Variants in SENP7 observed in about 807,000 individuals in gnomAD.
The protein encoded by SENP7 is SUMO specific peptidase 7, also known as sentrin-specific protease 7.
A neutral mutation model predicts 141.2 loss-of-function variants in SENP7; 64 were observed. The ratio of observed to expected loss-of-function variants is 0.45; its 90% CI spans 0.37 to 0.56. The LOEUF is 0.56. Among genes scored for constraint, SENP7 ranks in the 20% least tolerant of loss-of-function variants. The pLI, the probability that SENP7 is intolerant of heterozygous loss-of-function variation, is 0.00. For missense variants in SENP7, 1,025 were observed against 1,212.2 expected (o/e 0.85, Z 2.29); for synonymous variants, 382 against 426.4 (o/e 0.90, Z 1.28).
At chr3:101,511,763 T>C (rs2065866895) in intron 1 of SENP7, among the ~76,000 whole-genome samples, 1 of 152,238 alleles carries the variant, frequency 6.6e-6, no homozygotes, top group African/African-American at 2.4e-5. Context: ...CAGTTTGAGA[T>C]GCACTGCCAC....
chr3:101,430,920 G>A (rs997512424), intron 4 of SENP7, among the ~76,000 whole-genome samples: 9 of 152,098 alleles, frequency 5.9e-5, no homozygotes, highest in South Asian at 2.1e-4. Context: ...CTTTATTTCT[G>A]CCTTCATTTC....
chr3:101,407,784 G>A (rs2061346059), intron 5 of SENP7, among the ~76,000 whole-genome samples: 1 of 152,100 alleles, frequency 6.6e-6, no homozygotes, highest in Admixed American at 6.6e-5. Context: ...ACACAGCAAA[G>A]GCGATGCTAA....
At chr3:101,421,580 T>C (rs764406398) in intron 4 of SENP7, among the ~76,000 whole-genome samples, 19 of 152,350 alleles carry the variant, frequency 1.2e-4, no homozygotes, top group African/African-American at 4.6e-4. Flanking sequence ...TAAGAATTTA[T>C]ATTGGAAAAT....
intron 3 of SENP7, among the ~76,000 whole-genome samples, 181 bp downstream of exon 3, chr3:101,493,692 C>T (rs1159959827): frequency 3.3e-5 from 5 of 151,950 alleles, no homozygotes; most frequent in East Asian, 1.9e-4. Context: ...TAGTTTTAAA[C>T]GAAGAGCCTA....
chr3:101,487,285 A>T (rs952343894), intron 3 of SENP7, among the ~76,000 whole-genome samples: 1 of 152,186 alleles, frequency 6.6e-6, no homozygotes, highest in Non-Finnish European at 1.5e-5. Flanking sequence ...ATTTACATAT[A>T]TATATGTAAA....
intron 4 of SENP7, among the ~76,000 whole-genome samples, chr3:101,419,811 T>C (rs533149274): frequency 7.1e-4 from 108 of 152,362 alleles, no homozygotes; most frequent in African/African-American, 2.3e-3. Flanking sequence ...ACATGTACTA[T>C]ATACCAGGCA....
At position 101,398,911 on chromosome 3, in the gene SENP7, T is replaced by C. The variant is rs2061051814; in HGVS notation, c.627A>G (p.Leu209=). ...EQLSSSSDGS[L]ESYQNLNPHK... Reference sequence around the variant, plus strand: ...GAGGGTTTAGATTTTGATAAGATTCTAGGCTGCCATCAGATGATGAAGAAA... The same window carrying C: ...GAGGGTTTAGATTTTGATAAGATTCCAGGCTGCCATCAGATGATGAAGAAA... Residue 209 remains leucine (L), a synonymous_variant, in exon 6 of 24, where the codon CTA becomes CTG. Transcript: ENST00000394095. 3.7e-6 allele frequency: 6 copies of C among 1,612,158 alleles called. No homozygotes were observed. The highest frequency in any genetic ancestry group is 5.1e-6 in the Non-Finnish European group (6 of 1,178,782).
chr3:101,449,248 G>C (rs1158348189), intron 4 of SENP7, among the ~76,000 whole-genome samples: 1 of 152,158 alleles, frequency 6.6e-6, no homozygotes, highest in African/African-American at 2.4e-5. Flanking sequence ...CGTCTGATTG[G>C]TGTACCTGAA....
intron 4 of SENP7, among the ~76,000 whole-genome samples, chr3:101,436,273 A>G (rs2062384806): frequency 1.3e-5 from 2 of 152,182 alleles, no homozygotes; most frequent in Admixed American, 6.5e-5. Flanking sequence ...AAATCAAATC[A>G]AAATGGATTA....
intron 5 of SENP7, 99 bp from the exon 6 acceptor site, chr3:101,399,154 A>G: frequency 1.4e-6 from 1 of 712,360 alleles, no homozygotes; most frequent in Non-Finnish European, 2.1e-6. Context: ...CCATCTTAGC[A>G]CAAGAAAGCT....
chr3:101,328,661 T>C lies in SENP7; in HGVS notation c.2780A>G (p.Lys927Arg). The C allele has an allele frequency of 6.2e-7, 1 of 1,609,158 alleles. No homozygotes were observed. Among genetic ancestry groups the C allele is most frequent in the African/African-American group, 1.3e-5 (1 of 74,884 alleles). Residue 927 changes from lysine to arginine, a missense_variant, in exon 21 of 24, where the codon AAG becomes AGG. Coordinates refer to ENST00000394095, the MANE Select transcript of SENP7 (RefSeq NM_020654.5). ...ATGTACCTACCTTTTACACATTTTCTTTGGTACTGACATATTCGACTCGGT... is the reference window on the plus strand; with the variant it reads ...ATGTACCTACCTTTTACACATTTTCCTTGGTACTGACATATTCGACTCGGT... Reference protein sequence around the residue: ...QSTESNMSVPKKMCKRPCILI... With the variant: ...QSTESNMSVPRKMCKRPCILI...
rs79838419 is a variant in SENP7 at position 101,344,402 on chromosome 3, G to C, written c.1838-448C>G. Reference sequence around the variant, plus strand: ...TCCCACAGAATGCTTATAAATGGCTGTTTCTATTTTCCCCACCTTCTCTGC... The same window carrying C: ...TCCCACAGAATGCTTATAAATGGCTCTTTCTATTTTCCCCACCTTCTCTGC... On this transcript the variant is annotated intron_variant, in intron 13 of 23. Coordinates refer to ENST00000394095, the MANE Select transcript of SENP7 (RefSeq NM_020654.5). Among the ~76,000 whole-genome samples, 41 of 152,218 alleles carry C rather than the reference G, an allele frequency of 2.7e-4. No individual in the cohort carries two copies. The East Asian group carries it at 7.7e-3, about 29-fold the overall frequency.
chr3:101,450,019 T>C (rs903722974), intron 4 of SENP7, among the ~76,000 whole-genome samples: 1 of 152,074 alleles, frequency 6.6e-6, no homozygotes, highest in Non-Finnish European at 1.5e-5. Flanking sequence ...TGGAGGAAGA[T>C]CTACCAAGCA....
intron 13 of SENP7, chr3:101,347,585 G>T (rs1013791436): frequency 5.9e-6 from 1 of 168,182 alleles, no homozygotes; most frequent in African/African-American, 2.4e-5. Flanking sequence ...AGCCGGGCAC[G>T]GTGGCGGGCA....
chr3:101,383,457 C>A (rs2107508265), intron 6 of SENP7, among the ~76,000 whole-genome samples: 1 of 152,306 alleles, frequency 6.6e-6, no homozygotes, highest in Admixed American at 6.5e-5. Context: ...CCTTCCCCAG[C>A]ACTGCTGCAG....
chr3:101,437,218 C>A (rs2062424365), intron 4 of SENP7, among the ~76,000 whole-genome samples: 2 of 152,046 alleles, frequency 1.3e-5, no homozygotes, highest in Admixed American at 1.3e-4. Context: ...TTACCAAAGG[C>A]TGGGAAGAGA....
intron 6 of SENP7, among the ~76,000 whole-genome samples, chr3:101,381,152 T>C (rs1222702077): frequency 1.3e-5 from 2 of 152,212 alleles, no homozygotes; most frequent in African/African-American, 4.8e-5. Flanking sequence ...ACAGAAGGCT[T>C]CGGTGATGCT....
chr3:101,433,177 GTGT>G (rs1299709993), intron 4 of SENP7, among the ~76,000 whole-genome samples: 5 of 151,970 alleles, frequency 3.3e-5, no homozygotes, highest in Admixed American at 2.6e-4. Context: ...TATGCAAATA[GTGT>G]TGTTATCGGG....
At chr3:101,490,373 A>C (rs1450690778) in intron 3 of SENP7, among the ~76,000 whole-genome samples, 2 of 152,190 alleles carry the variant, frequency 1.3e-5, no homozygotes, top group Non-Finnish European at 2.9e-5. Context: ...AGCCAAACAC[A>C]AAAGAGTACA....
Sources: allele counts gnomAD v4.1 joint callset (sites outside exome capture counted in the v4.1 genomes callset), GRCh38; gene constraint gnomAD v4.1.1; transcripts MANE v1.5; gene names NCBI Gene and HGNC (gene_info 2026-07-23, HGNC 2026-07-21).